CNTN4: variants seen among roughly 807,000 people sequenced by gnomAD.
CNTN4 encodes contactin-4.
In CNTN4, 77 loss-of-function variants were observed where a neutral mutation model predicts 122.5. The ratio of observed to expected loss-of-function variants is 0.63; its 90% confidence interval spans 0.52 to 0.76. The LOEUF is 0.76. Ranked by LOEUF, CNTN4 falls within the 30% of genes least tolerant of loss-of-function variation. The pLI, the probability that CNTN4 is intolerant of heterozygous loss-of-function variation, is 0.00. For synonymous variants in CNTN4, 512 were observed against 447.0 expected (o/e 1.15, Z -1.83); for missense variants, 1,256 against 1,259.1 (o/e 1.00, Z 0.04).
chr3:3,052,360 T>TGC (rs1425595065), intron 23 of CNTN4, among the ~76,000 whole-genome samples: 2 of 152,162 alleles, frequency 1.3e-5, no homozygotes, highest in African/African-American at 4.8e-5. Context: ...CAAACATGTC[T>TGC]GCAGACATTG....
chr3:2,379,858 C>A (rs894046822), intron 3 of CNTN4, among the ~76,000 whole-genome samples: 7 of 151,952 alleles, frequency 4.6e-5, no homozygotes, highest in African/African-American at 9.7e-5. Context: ...AGTTCGAGAC[C>A]AACCTGACAA....
chr3:2,734,300 A>G (rs938139647), intron 4 of CNTN4, among the ~76,000 whole-genome samples: 2 of 151,702 alleles, frequency 1.3e-5, no homozygotes, highest in Non-Finnish European at 2.9e-5. Context: ...GGCTCAAGCA[A>G]TCCTCCACGC....
At chr3:2,602,955 A>G (rs2081109318) in intron 4 of CNTN4, among the ~76,000 whole-genome samples, 1 of 152,202 alleles carries the variant, frequency 6.6e-6, no homozygotes, top group Non-Finnish European at 1.5e-5. Context: ...AACTGAATGA[A>G]CTGTTTGAAA....
At chr3:2,118,978 G>C (rs2033548972) in intron 2 of CNTN4, among the ~76,000 whole-genome samples, 1 of 152,212 alleles carries the variant, frequency 6.6e-6, no homozygotes, top group Admixed American at 6.5e-5. Flanking sequence ...ATGTCAACCA[G>C]GCTAGGTCTG....
intron 8 of CNTN4, among the ~76,000 whole-genome samples, chr3:2,873,113 G>A (rs1189480981): frequency 6.6e-6 from 1 of 152,096 alleles, no homozygotes; most frequent in Admixed American, 6.6e-5. Flanking sequence ...GCAAGTAAAG[G>A]GATTCTGGAG....
At chr3:2,484,725 A>C (rs1391436239) in intron 3 of CNTN4, among the ~76,000 whole-genome samples, 1 of 152,180 alleles carries the variant, frequency 6.6e-6, no homozygotes, top group Non-Finnish European at 1.5e-5. Context: ...GTGTATCCTG[A>C]GCCTATTGAG....
chr3:2,113,577 A>C (rs1323521446), intron 2 of CNTN4, among the ~76,000 whole-genome samples: 1 of 152,190 alleles, frequency 6.6e-6, no homozygotes, highest in African/African-American at 2.4e-5. Context: ...ACGAAGCCTA[A>C]ATGTCAAGCA....
intron 18 of CNTN4, among the ~76,000 whole-genome samples, chr3:3,038,344 G>T (rs1699809612): frequency 6.6e-6 from 1 of 152,130 alleles, no homozygotes; most frequent in Non-Finnish European, 1.5e-5. Context: ...AGTGAGCCGG[G>T]GGTCAACTTC....
intron 4 of CNTN4, among the ~76,000 whole-genome samples, chr3:2,651,967 A>G (rs2083382476): frequency 6.6e-6 from 1 of 151,734 alleles, no homozygotes; most frequent in African/African-American, 2.4e-5. Context: ...TTGGCCTTCC[A>G]AAGTGCTGGG....
At chr3:2,988,646 T>C (rs923217854) in intron 14 of CNTN4, 174 bp downstream of exon 14, 2 of 671,766 alleles carry the variant, frequency 3.0e-6, no homozygotes, top group African/African-American at 3.6e-5. Context: ...CTGCTGGTAA[T>C]GAATATGATT....
chr3:2,607,174 T>A (rs945939565), intron 4 of CNTN4, among the ~76,000 whole-genome samples: 1 of 152,214 alleles, frequency 6.6e-6, no homozygotes, highest in Non-Finnish European at 1.5e-5. Flanking sequence ...TGCTAGAAAC[T>A]GTCACGTGAA....
chr3:2,314,230 C>T (rs1030896810), intron 2 of CNTN4, among the ~76,000 whole-genome samples: 2 of 151,784 alleles, frequency 1.3e-5, no homozygotes. Flanking sequence ...AAATATGATA[C>T]AGAATTTAGT....
At chr3:2,395,945 T>G (rs2046624888) in intron 3 of CNTN4, among the ~76,000 whole-genome samples, 1 of 152,148 alleles carries the variant, frequency 6.6e-6, no homozygotes, top group Non-Finnish European at 1.5e-5. Context: ...ATTCTTGTGC[T>G]TACCCACATG....
chr3:2,280,840 A>G (rs1012472932), intron 2 of CNTN4, among the ~76,000 whole-genome samples: 3 of 152,188 alleles, frequency 2.0e-5, no homozygotes, highest in Non-Finnish European at 2.9e-5. Context: ...TGGAAACATT[A>G]TGAGAATGAC....
intron 3 of CNTN4, among the ~76,000 whole-genome samples, chr3:2,457,509 T>C (rs547996442): frequency 6.6e-6 from 1 of 152,204 alleles, no homozygotes; most frequent in Non-Finnish European, 1.5e-5. Context: ...TTTATTAGGA[T>C]TTTTTTCTGG....
rs758627527 is a variant in CNTN4, at chr3:2,354,923, G to A, written c.-89+15690G>A. ...CTCCAAGACAGAAATAGGAGCATTA[G>A]CAGCAGGAAGTGTCTTGGGGATACA... On this transcript the variant is annotated intron_variant, in intron 3 of 24. Coordinates refer to ENST00000418658, the MANE Select transcript of CNTN4 (RefSeq NM_175607.3). Among the ~76,000 whole-genome samples the A allele has an allele frequency of 1.4e-4, 21 of 152,320 alleles. No individual in the cohort carries two copies. In the Middle Eastern group the frequency reaches 0.01, roughly 74 times the overall value.
intron 2 of CNTN4, among the ~76,000 whole-genome samples, chr3:2,142,399 C>G (rs1379548555): frequency 6.6e-6 from 1 of 150,578 alleles, no homozygotes; most frequent in Non-Finnish European, 1.5e-5. Context: ...GCATCTCATT[C>G]TGTCGCCCAG....
At chr3:2,615,965 C>G (rs1334070121) in intron 4 of CNTN4, among the ~76,000 whole-genome samples, 2 of 150,594 alleles carry the variant, frequency 1.3e-5, no homozygotes, top group Non-Finnish European at 2.9e-5. Flanking sequence ...ATAAATTCCT[C>G]TTTAATTACA....
At chr3:2,270,227 G>C (rs1257798209) in intron 2 of CNTN4, among the ~76,000 whole-genome samples, 1 of 36,700 alleles carries the variant, frequency 2.7e-5, no homozygotes, top group African/African-American at 6.1e-5. Flanking sequence ...GGGATTACAG[G>C]CGTGAGCCAC....
Sources: gnomAD v4.1 joint callset for allele counts (sites outside exome capture counted in the v4.1 genomes callset) on GRCh38, gnomAD v4.1.1 for gene constraint, MANE v1.5 for transcripts, NCBI Gene and HGNC (gene_info 2026-07-23, HGNC 2026-07-21) for gene names.